RYR2: variants seen among roughly 807,000 people sequenced by gnomAD.
RYR2 encodes the protein ryanodine receptor 2.
A neutral mutation model predicts 601.1 loss-of-function variants in RYR2; 227 were observed. That is an observed-to-expected ratio of 0.38 (90% CI 0.34 to 0.42). RYR2 has a LOEUF of 0.42. Ranked by LOEUF, RYR2 falls within the 10% of genes least tolerant of loss-of-function variation. RYR2 has a pLI of 1.00. For synonymous variants in RYR2, 2,223 were observed against 2,175.1 expected (o/e 1.02, Z -0.61); for missense variants, 4,646 against 6,156.5 (o/e 0.75, Z 8.21).
chr1:237,240,490 C>T (rs952007482), intron 1 of RYR2, among the ~76,000 whole-genome samples: 2 of 151,910 alleles, frequency 1.3e-5, no homozygotes, highest in Non-Finnish European at 2.9e-5. Flanking sequence ...TTCTCACTGG[C>T]TTAGTGGCCT....
chr1:237,166,559 T>C (rs1290064450), intron 1 of RYR2, among the ~76,000 whole-genome samples: 2 of 152,220 alleles, frequency 1.3e-5, no homozygotes, highest in Non-Finnish European at 2.9e-5. Flanking sequence ...TTAAAATGCA[T>C]GAACATAACA....
rs188359811 is a variant in RYR2 at position 237,143,672 on chromosome 1, G to T, written c.48+101103G>T. On this transcript the variant is annotated intron_variant, in intron 1 of 104. Coordinates refer to ENST00000366574, the MANE Select transcript of RYR2 (RefSeq NM_001035.3). ...CCACACCCTCACTAGCCTCCTAGGA[G>T]CACTTCCTTCCTAATCCTCTTGCAC... Among the ~76,000 whole-genome samples the T allele has an allele frequency of 1.6e-3, 250 of 152,202 alleles. 1 individual carries two copies. Among genetic ancestry groups the T allele is most frequent in the African/African-American group, 5.7e-3 (238 of 41,532 alleles).
intron 54 of RYR2, 66 bp downstream of exon 54, chr1:237,658,088 C>CTGACCA: frequency 1.1e-6 from 1 of 886,722 alleles, no homozygotes. Context: ...TCAAATATTT[C>CTGACCA]TGACCATGAC....
chr1:237,494,243 A>T (rs1208952241), intron 19 of RYR2, among the ~76,000 whole-genome samples: 1 of 152,170 alleles, frequency 6.6e-6, no homozygotes, highest in East Asian at 1.9e-4. Context: ...CCTCAAAAGT[A>T]GGGAGGCCAG....
chr1:237,584,329 A>G (rs999282302), intron 29 of RYR2, among the ~76,000 whole-genome samples: 1 of 152,180 alleles, frequency 6.6e-6, no homozygotes, highest in Admixed American at 6.6e-5. Flanking sequence ...GTTTTGTTCA[A>G]TTTATGCCAA....
At chr1:237,759,173 G>T (rs549658334) in intron 82 of RYR2, among the ~76,000 whole-genome samples, 1 of 152,210 alleles carries the variant, frequency 6.6e-6, no homozygotes, top group South Asian at 2.1e-4. Flanking sequence ...TGCAACCTCC[G>T]CCTCCTGGGT....
At chr1:237,330,828 G>C (rs764394804) in intron 2 of RYR2, 50 bp from the exon 3 acceptor site, 2 of 1,445,000 alleles carry the variant, frequency 1.4e-6, no homozygotes, top group East Asian at 4.5e-5. Context: ...GCTGGGTCTG[G>C]ATGCTTGATG....
Position 237,173,668 on chromosome 1 carries a change from C to T in RYR2, c.49-96829C>T, listed in dbSNP as rs540249406. ...CACACCGCAAATACCTGTCTATACA[C>T]GCACACAGTTTATATGTGTGATTCT... On this transcript the variant is annotated intron_variant, in intron 1 of 104. Transcript: ENST00000366574. Among the ~76,000 whole-genome samples the T allele has an allele frequency of 1.5e-3, 230 of 152,294 alleles. 1 individual carries two copies. Among genetic ancestry groups the T allele is most frequent in the Middle Eastern group, 3.4e-3 (1 of 294 alleles).
At chr1:237,347,568 T>A (rs1198929510) in intron 3 of RYR2, among the ~76,000 whole-genome samples, 2 of 152,014 alleles carry the variant, frequency 1.3e-5, no homozygotes, top group African/African-American at 4.8e-5. Context: ...GGATTTGGGG[T>A]TTTGTTGGGA....
At chr1:237,447,545 T>A (rs2150177279) in intron 14 of RYR2, among the ~76,000 whole-genome samples, 1 of 152,336 alleles carries the variant, frequency 6.6e-6, no homozygotes, top group Non-Finnish European at 1.5e-5. Context: ...TAAAATAGGA[T>A]GGTTACATTA....
intron 3 of RYR2, among the ~76,000 whole-genome samples, chr1:237,334,280 A>G (rs1445201692): frequency 6.6e-6 from 1 of 152,088 alleles, no homozygotes; most frequent in Non-Finnish European, 1.5e-5. Flanking sequence ...GAAGATGTGT[A>G]AGATGAAATG....
At position 237,590,040 on chromosome 1, in the gene RYR2, G is replaced by A. The variant is rs750423674; in HGVS notation, c.3807+39G>A. 74 of 1,561,784 alleles carry A rather than the reference G, an allele frequency of 4.7e-5. No homozygotes were observed. In the East Asian group the frequency reaches 1.6e-3, roughly 35 times the overall value. On this transcript the variant is annotated intron_variant, in intron 30 of 104. Coordinates refer to ENST00000366574, the MANE Select transcript of RYR2 (RefSeq NM_001035.3). ...TTAAAAATCAGGCCATTTCTAAAAA[G>A]CAGGAAAAGAATATCTTTATACAAA...
At chr1:237,149,142 A>C (rs978060546) in intron 1 of RYR2, among the ~76,000 whole-genome samples, 10 of 152,168 alleles carry the variant, frequency 6.6e-5, no homozygotes, top group Non-Finnish European at 2.9e-5. Flanking sequence ...ATTGATACCA[A>C]CCATGATAGA....
At chr1:237,118,661 G>A (rs1439453475) in intron 1 of RYR2, among the ~76,000 whole-genome samples, 2 of 151,996 alleles carry the variant, frequency 1.3e-5, no homozygotes, top group Admixed American at 1.3e-4. Context: ...CTGGAGTGCA[G>A]TGGCATGATT....
intron 101 of RYR2, among the ~76,000 whole-genome samples, chr1:237,824,436 A>T (rs1013101764): frequency 2.0e-5 from 3 of 152,354 alleles, no homozygotes; most frequent in African/African-American, 4.8e-5. Flanking sequence ...CCACATGATT[A>T]TCTCAATACA....
At chr1:237,771,668 A>C (rs1694284025) in intron 85 of RYR2, among the ~76,000 whole-genome samples, 1 of 152,108 alleles carries the variant, frequency 6.6e-6, no homozygotes, top group Non-Finnish European at 1.5e-5. Context: ...CTGAGGAACA[A>C]GTGATTAATG....
At chr1:237,430,435 T>C (rs1013669871) in intron 12 of RYR2, among the ~76,000 whole-genome samples, 2 of 152,072 alleles carry the variant, frequency 1.3e-5, no homozygotes, top group African/African-American at 4.8e-5. Context: ...AATATTTTTG[T>C]AATTAAAAAG....
intron 1 of RYR2, among the ~76,000 whole-genome samples, chr1:237,189,704 C>T (rs899654825): frequency 6.6e-6 from 1 of 152,160 alleles, no homozygotes; most frequent in African/African-American, 2.4e-5. Context: ...TCCATTCTGG[C>T]ACAGTGAGGT....
chr1:237,166,596 A>G (rs767333656), intron 1 of RYR2, among the ~76,000 whole-genome samples: 1 of 152,208 alleles, frequency 6.6e-6, no homozygotes. Flanking sequence ...AGCAGGCAAA[A>G]TCTAGCATGT....
Sources: allele counts gnomAD v4.1 joint callset (sites outside exome capture counted in the v4.1 genomes callset), GRCh38; gene constraint gnomAD v4.1.1; transcripts MANE v1.5; gene names NCBI Gene and HGNC (gene_info 2026-07-23, HGNC 2026-07-21).